The following VCAN variants were observed in gnomAD, a reference collection of about 807,000 sequenced individuals.
The protein encoded by VCAN is versican core protein.
VCAN carries 44 observed loss-of-function variants against 245.5 expected under a neutral mutation model. The ratio of observed to expected loss-of-function variants is 0.18; its 90% CI spans 0.14 to 0.23. VCAN has a LOEUF of 0.23. VCAN is among the 10% of genes least tolerant of loss of function. The pLI is 1.00. For missense variants in VCAN, 3,793 were observed against 4,057.9 expected (o/e 0.93, Z 1.77); for synonymous variants, 1,413 against 1,437.0 (o/e 0.98, Z 0.38).
At chr5:83,482,403 G>A (rs1209421543) in intron 1 of VCAN, among the ~76,000 whole-genome samples, 1 of 152,170 alleles carries the variant, frequency 6.6e-6, no homozygotes, top group Non-Finnish European at 1.5e-5. Context: ...CATTGGAAAA[G>A]GGAATGGTAC....
At position 83,520,963 on chromosome 5, in the gene VCAN, C is replaced by T; in HGVS notation, c.2657C>T (p.Thr886Ile). 1.2e-6 allele frequency: 2 copies of T among 1,614,114 alleles called. No individual in the cohort carries two copies. The highest frequency in any genetic ancestry group is 1.3e-5 in the African/African-American group (1 of 75,040). ...HGKFTIRFQP[T>I]TSTGIAEKST... ...AAATTCACAATTAGATTTCAGCCAA[C>T]TACATCAACTGGTATTGCAGAAAAG... The change falls in exon 7 of 15, where the codon ACT becomes ATT. Residue 886 changes from threonine to isoleucine, a missense_variant. By Grantham distance (89) the Thr-to-Ile change is moderately conservative (BLOSUM62 -1). This residue lies in a region of VCAN where 3,182 missense variants were observed against 3,250.3 expected (regional missense o/e 0.98). Transcript: ENST00000265077.
intron 7 of VCAN, among the ~76,000 whole-genome samples, chr5:83,525,914 C>T (rs1051777492): frequency 1.3e-5 from 2 of 151,828 alleles, no homozygotes; most frequent in African/African-American, 2.4e-5. Flanking sequence ...GGCAGATACC[C>T]ATATTTACAT....
At chr5:83,569,348 A>ATT (rs1484255711) in intron 12 of VCAN, among the ~76,000 whole-genome samples, 1 of 152,160 alleles carries the variant, frequency 6.6e-6, no homozygotes, top group Non-Finnish European at 1.5e-5. Context: ...ATCTTTGATT[A>ATT]GGTATTGGTG....
At chr5:83,479,897 G>A (rs1036283173) in intron 1 of VCAN, among the ~76,000 whole-genome samples, 1 of 152,126 alleles carries the variant, frequency 6.6e-6, no homozygotes, top group African/African-American at 2.4e-5. Flanking sequence ...TTCAAGGTTT[G>A]CAAACTTAGG....
chr5:83,552,761 C>T (rs1352175798), intron 10 of VCAN, among the ~76,000 whole-genome samples: 7 of 151,948 alleles, frequency 4.6e-5, no homozygotes, highest in East Asian at 1.9e-4. Context: ...TTTCATTGGG[C>T]ATTACCTATC....
intron 7 of VCAN, among the ~76,000 whole-genome samples, chr5:83,524,961 C>T (rs1746237197): frequency 6.6e-6 from 1 of 151,502 alleles, no homozygotes; most frequent in South Asian, 2.1e-4. Flanking sequence ...ACTGTATATC[C>T]AAGTAAGCAA....
chr5:83,561,828 T>C (rs1218357631), intron 12 of VCAN, among the ~76,000 whole-genome samples: 1 of 152,158 alleles, frequency 6.6e-6, no homozygotes, highest in African/African-American at 2.4e-5. Flanking sequence ...TTATTACCCT[T>C]TCATAAACAC....
chr5:83,538,510 G>A lies in VCAN; in HGVS notation c.5507G>A (p.Gly1836Asp). Residue 1836 changes from glycine (G) to aspartate (D), a missense_variant, in exon 8 of 15, where the codon GGC (glycine) becomes GAC (aspartate). Around this residue, in one of 5 missense-constraint regions of VCAN, gnomAD observed 3,182 missense variants for 3,250.3 expected, o/e 0.98. Coordinates refer to ENST00000265077, the MANE Select transcript of VCAN (RefSeq NM_004385.5). ...RSPASVFMEQGSGEAAADPET... is the reference protein window; with the variant it reads ...RSPASVFMEQDSGEAAADPET... ...CCTGCCTCTGTCTTTATGGAGCAGG[G>A]CTCTGGAGAAGCTGCTGCCGACCCA... 6.2e-7 allele frequency: 1 copy of A among 1,614,032 alleles called. No individual in the cohort carries two copies. Among genetic ancestry groups the A allele is most frequent in the East Asian group, 2.2e-5 (1 of 44,874 alleles).
In VCAN at chr5:83,522,436, A is replaced by T. The variant is rs1279449795; in HGVS notation, c.4003+127A>T. The T allele has an allele frequency of 5.2e-6, 5 of 968,282 alleles. No homozygotes were observed. In the African/African-American group the frequency reaches 8.2e-5, roughly 16 times the overall value. The allele number at this position is 968,282 out of a possible 1,614,324, so 60.0% of individuals were successfully genotyped here. On this transcript the variant is annotated intron_variant, in intron 7 of 14. Coordinates refer to ENST00000265077, the MANE Select transcript of VCAN (RefSeq NM_004385.5). ...AAGATAACTGGAGTGTGAAAAATAAATGTTTTAGCTTCATATATTTGTACA... is the reference window on the plus strand; with the variant it reads ...AAGATAACTGGAGTGTGAAAAATAATTGTTTTAGCTTCATATATTTGTACA...
intron 5 of VCAN, among the ~76,000 whole-genome samples, chr5:83,503,559 T>C (rs1215622968): frequency 6.6e-6 from 1 of 152,142 alleles, no homozygotes; most frequent in Non-Finnish European, 1.5e-5. Flanking sequence ...TGCTCCCAAA[T>C]GGACAAAGGA....
chr5:83,540,532 T>C lies in VCAN; in HGVS notation c.7529T>C (p.Val2510Ala). Reference sequence around the variant, plus strand: ...CCAACTAGCACACTGTCAAATACAGTGTCATATGAGAGGTCCACAGACGGT... The same window carrying C: ...CCAACTAGCACACTGTCAAATACAGCGTCATATGAGAGGTCCACAGACGGT... ...PDPTSTLSNT[V>A]SYERSTDGSF... Residue 2510 changes from valine to alanine, a missense_variant, in exon 8 of 15, where the codon GTG becomes GCG. By Grantham distance (64) the Val-to-Ala change is moderately conservative. Transcript: ENST00000265077. 1 of 1,613,984 alleles carries C rather than the reference T, an allele frequency of 6.2e-7. No homozygotes were observed. Among genetic ancestry groups the C allele is most frequent in the Non-Finnish European group, 8.5e-7 (1 of 1,179,958 alleles).
At chr5:83,505,555 G>A (rs1745457313) in intron 5 of VCAN, among the ~76,000 whole-genome samples, 1 of 152,170 alleles carries the variant, frequency 6.6e-6, no homozygotes, top group Admixed American at 6.5e-5. Context: ...TGGCTTTGCA[G>A]GGTACAGCCT....
chr5:83,509,092 A>G (rs201886160), intron 5 of VCAN, among the ~76,000 whole-genome samples: 1 of 151,596 alleles, frequency 6.6e-6, no homozygotes, highest in Non-Finnish European at 1.5e-5. Flanking sequence ...AGAGAAAGAA[A>G]GAAGGAAGGA....
chr5:83,515,859 C>T (rs1254477770), intron 6 of VCAN, among the ~76,000 whole-genome samples: 1 of 152,160 alleles, frequency 6.6e-6, no homozygotes, highest in South Asian at 2.1e-4. Flanking sequence ...TAACCTTTCC[C>T]CGATTGGTAT....
At chr5:83,552,733 C>T (rs1747516809) in intron 10 of VCAN, among the ~76,000 whole-genome samples, 1 of 152,096 alleles carries the variant, frequency 6.6e-6, no homozygotes, top group Non-Finnish European at 1.5e-5. Flanking sequence ...TTTTAATAAA[C>T]TTAAAATCTT....
At chr5:83,553,924 T>C (rs796464471) in intron 11 of VCAN, among the ~76,000 whole-genome samples, 4 of 152,380 alleles carry the variant, frequency 2.6e-5, no homozygotes, top group African/African-American at 9.6e-5. Context: ...CAGTTATTTT[T>C]GTCCTGCTAA....
intron 10 of VCAN, 148 bp downstream of exon 10, chr5:83,548,232 T>C (rs1482062879): frequency 2.9e-5 from 21 of 714,174 alleles, no homozygotes; most frequent in Non-Finnish European, 4.2e-5. Flanking sequence ...TGAATCATAG[T>C]GTTGACTTGA....
chr5:83,556,592 A>G (rs1747674924), intron 12 of VCAN, among the ~76,000 whole-genome samples: 2 of 152,174 alleles, frequency 1.3e-5, no homozygotes, highest in Admixed American at 1.3e-4. Context: ...ATCTTCTTCT[A>G]TTAATAATTG....
At chr5:83,486,983 A>G (rs1364806927) in intron 2 of VCAN, among the ~76,000 whole-genome samples, 1 of 152,238 alleles carries the variant, frequency 6.6e-6, no homozygotes, top group African/African-American at 2.4e-5. Flanking sequence ...GTCAACGACT[A>G]ACATAAATGA....
Sources: gnomAD v4.1 joint callset for allele counts (sites outside exome capture counted in the v4.1 genomes callset) on GRCh38, gnomAD v4.1.1 for gene constraint, gnomAD v4.1.1 regional missense constraint, MANE v1.5 for transcripts, NCBI Gene and HGNC (gene_info 2026-07-23, HGNC 2026-07-21) for gene names.